Variants in ARID1B observed in about 807,000 individuals in gnomAD.
ARID1B encodes the protein AT-rich interaction domain 1B, also known as AT-rich interactive domain-containing protein 1B.
In ARID1B, 30 loss-of-function variants were observed where a neutral mutation model predicts 212.3. The ratio of observed to expected loss-of-function variants is 0.14; its 90% confidence interval spans 0.11 to 0.19. The LOEUF (loss-of-function observed/expected upper bound fraction) is 0.19, where lower values mean the gene tolerates loss of function less well. Among genes scored for constraint, ARID1B ranks in the 10% least tolerant of loss-of-function variants. The pLI is 1.00. For synonymous variants in ARID1B, 1,402 were observed against 1,301.7 expected, an observed-to-expected ratio of 1.08 and a Z score of -1.66; for missense variants, 2,891 against 3,204.0, an observed-to-expected ratio of 0.90 and a Z score of 2.36.
chr6:156,876,070 G>A (rs1191405587), intron 2 of ARID1B, among the ~76,000 whole-genome samples: 1 of 152,116 alleles, frequency 6.6e-6, no homozygotes, highest in Non-Finnish European at 1.5e-5. Context: ...TTTTGAAGTT[G>A]GGTCTCTGAA....
chr6:157,019,709 T>A lies in ARID1B; in HGVS notation c.2248-64953T>A, dbSNP rs116359690. ...GATGCCTTTTTATGATAAAACTCAG[T>A]CATCCACGCTCACTCAACTGTCATC... On this transcript the variant is annotated intron_variant, in intron 4 of 19. Transcript: ENST00000636930. 4.3e-3 allele frequency among the ~76,000 whole-genome samples: 658 copies of A among 152,290 alleles called. 7 individuals are homozygous for A. The highest frequency in any genetic ancestry group is 0.015 in the African/African-American group (625 of 41,558).
At chr6:157,042,963 CACTTA>C (rs1308469894) in intron 4 of ARID1B, among the ~76,000 whole-genome samples, 1 of 152,144 alleles carries the variant, frequency 6.6e-6, no homozygotes, top group African/African-American at 2.4e-5. Context: ...ACAAAGGCTA[CACTTA>C]ACTTTAATCC....
intron 2 of ARID1B, among the ~76,000 whole-genome samples, chr6:156,890,050 A>T (rs1787803731): frequency 6.6e-6 from 1 of 152,344 alleles, no homozygotes; most frequent in Admixed American, 6.5e-5. Context: ...GTGTATAAAT[A>T]AATTCATGGA....
chr6:156,867,281 G>A (rs1053830529), intron 2 of ARID1B, among the ~76,000 whole-genome samples: 1 of 152,178 alleles, frequency 6.6e-6, no homozygotes, highest in Non-Finnish European at 1.5e-5. Flanking sequence ...TTAGGTACTG[G>A]CGGCAGTCCT....
intron 4 of ARID1B, among the ~76,000 whole-genome samples, chr6:156,952,813 A>T (rs930167225): frequency 2.0e-5 from 3 of 152,244 alleles, no homozygotes; most frequent in African/African-American, 7.2e-5. Flanking sequence ...TAAAACAATA[A>T]TATTGTAGTA....
intron 4 of ARID1B, among the ~76,000 whole-genome samples, chr6:157,041,419 T>C (rs1417567254): frequency 2.0e-5 from 3 of 151,560 alleles, no homozygotes; most frequent in Non-Finnish European, 4.4e-5. Flanking sequence ...AAGAAAGGGG[T>C]ATGTAATTAG....
At chr6:156,999,232 T>A (rs1029878239) in intron 4 of ARID1B, among the ~76,000 whole-genome samples, 1 of 152,230 alleles carries the variant, frequency 6.6e-6, no homozygotes, top group African/African-American at 2.4e-5. Flanking sequence ...TTTAAAACCT[T>A]CATATTAACT....
chr6:156,971,351 C>G (rs1046664287), intron 4 of ARID1B, among the ~76,000 whole-genome samples: 5 of 152,136 alleles, frequency 3.3e-5, no homozygotes, highest in African/African-American at 7.2e-5. Context: ...GTTCTTCAGC[C>G]TCAAGTTATT....
intron 2 of ARID1B, among the ~76,000 whole-genome samples, chr6:156,881,227 C>T (rs1787065117): frequency 6.6e-6 from 1 of 152,172 alleles, no homozygotes; most frequent in African/African-American, 2.4e-5. Flanking sequence ...TTAATTACGG[C>T]TCACTCAGGC....
intron 1 of ARID1B, among the ~76,000 whole-genome samples, chr6:156,785,237 C>T (rs1276247738): frequency 2.0e-5 from 3 of 152,178 alleles, no homozygotes; most frequent in Non-Finnish European, 4.4e-5. Context: ...AATCTTAAGC[C>T]TATCTGGTTT....
intron 2 of ARID1B, among the ~76,000 whole-genome samples, chr6:156,889,805 T>G (rs1013242063): frequency 6.6e-6 from 1 of 152,172 alleles, no homozygotes; most frequent in Non-Finnish European, 1.5e-5. Flanking sequence ...TGGCAAGGAA[T>G]TTTTGATATG....
rs13212756 is a variant in ARID1B, at chr6:157,107,368, T to C, written c.2492-3104T>C. On this transcript the variant is annotated intron_variant, in intron 5 of 19. Transcript: ENST00000636930. ...TCTCGGTAATTGTATTATGGTTATA[T>C]AAGATGTTAACATTGGAGGAGGTGG... Among the ~76,000 whole-genome samples the C allele has an allele frequency of 2.0e-3, 308 of 152,232 alleles. 2 individuals are homozygous for C. Among genetic ancestry groups the C allele is most frequent in the Non-Finnish European group, 3.7e-3 (249 of 68,004 alleles).
At chr6:156,807,313 G>T (rs1781242202) in intron 1 of ARID1B, among the ~76,000 whole-genome samples, 1 of 152,118 alleles carries the variant, frequency 6.6e-6, no homozygotes, top group Non-Finnish European at 1.5e-5. Flanking sequence ...AAGCTTGCAT[G>T]TCAGAAACCA....
chr6:156,893,379 A>G (rs1788115969), intron 2 of ARID1B, among the ~76,000 whole-genome samples: 1 of 152,232 alleles, frequency 6.6e-6, no homozygotes, highest in Non-Finnish European at 1.5e-5. Flanking sequence ...TTTGGTAATT[A>G]TTCCTTGGAT....
chr6:157,044,900 T>C (rs1314800567), intron 4 of ARID1B, among the ~76,000 whole-genome samples: 1 of 152,216 alleles, frequency 6.6e-6, no homozygotes, highest in Non-Finnish European at 1.5e-5. Context: ...TTCTGTTGCC[T>C]GAGCTGGTCT....
chr6:156,980,518 T>C (rs894471914), intron 4 of ARID1B, among the ~76,000 whole-genome samples: 87 of 138,638 alleles, frequency 6.3e-4, no homozygotes, highest in Admixed American at 1.4e-4. Context: ...ATAAGAATCA[T>C]TGAGCTCCTT....
intron 7 of ARID1B, among the ~76,000 whole-genome samples, chr6:157,144,599 T>TGGG (rs911202166): frequency 2.6e-5 from 4 of 152,068 alleles, no homozygotes; most frequent in East Asian, 1.9e-4. Context: ...GATGTGAGCT[T>TGGG]GGGGAGGAGG....
chr6:157,069,468 A>G (rs761737862), intron 4 of ARID1B, among the ~76,000 whole-genome samples: 28 of 152,218 alleles, frequency 1.8e-4, no homozygotes, highest in Non-Finnish European at 3.8e-4. Flanking sequence ...TCTTGTAGGT[A>G]GGCTACAGTT....
chr6:157,152,134 T>C (rs1242903911), intron 8 of ARID1B: 2 of 152,226 alleles, frequency 1.3e-5, no homozygotes, highest in Admixed American at 1.3e-4. Context: ...GAAGCAAGCA[T>C]TCATCATCTG....
Sources: allele counts gnomAD v4.1 joint callset (sites outside exome capture counted in the v4.1 genomes callset), GRCh38; gene constraint gnomAD v4.1.1; transcripts MANE v1.5; gene names NCBI Gene and HGNC (gene_info 2026-07-23, HGNC 2026-07-21).